Variants in KCNH7 observed in about 807,000 individuals in gnomAD.
KCNH7 encodes the protein potassium voltage-gated channel subfamily H member 7, also known as voltage-gated inwardly rectifying potassium channel KCNH7.
A neutral mutation model predicts 120.8 loss-of-function variants in KCNH7; 49 were observed. The observed-to-expected ratio is 0.41, with a 90% confidence interval of 0.32 to 0.51. KCNH7 has a LOEUF of 0.51. Ranked by LOEUF, KCNH7 falls within the 20% of genes least tolerant of loss-of-function variation. The probability of loss-of-function intolerance (pLI) is 0.38; values close to 1 mark genes in which losing one functional copy is unlikely to be tolerated. For synonymous variants in KCNH7, 547 were observed against 516.1 expected, an observed-to-expected ratio of 1.06 and a Z score of -0.81; for missense variants, 1,097 against 1,446.6, an observed-to-expected ratio of 0.76 and a Z score of 3.92.
intron 4 of KCNH7, among the ~76,000 whole-genome samples, chr2:162,514,321 T>C (rs1691210490): frequency 6.6e-6 from 1 of 151,828 alleles, no homozygotes. Flanking sequence ...TCAGAATGAA[T>C]GTGTCTGTCA....
intron 2 of KCNH7, among the ~76,000 whole-genome samples, chr2:162,806,639 A>T (rs1383200464): frequency 6.6e-6 from 1 of 152,180 alleles, no homozygotes; most frequent in African/African-American, 2.4e-5. Context: ...TAAATTCAGC[A>T]ACAGAAGGAA....
intron 2 of KCNH7, among the ~76,000 whole-genome samples, chr2:162,596,699 CA>C (rs1694392163): frequency 6.6e-6 from 1 of 151,922 alleles, no homozygotes; most frequent in Admixed American, 6.6e-5. Context: ...CAAAAATAGA[CA>C]AATGAGATTA....
intron 2 of KCNH7, among the ~76,000 whole-genome samples, chr2:162,682,704 A>G (rs998638280): frequency 1.3e-5 from 2 of 151,862 alleles, no homozygotes; most frequent in African/African-American, 4.8e-5. Context: ...TAAATTTTAA[A>G]TACACAGTAA....
intron 2 of KCNH7, among the ~76,000 whole-genome samples, chr2:162,599,598 C>T (rs547074122): frequency 6.6e-6 from 1 of 151,300 alleles, no homozygotes; most frequent in South Asian, 2.1e-4. Context: ...TTTATATTTC[C>T]TACTCTTGTA....
In KCNH7 at chr2:162,495,761, C is replaced by T. The variant is rs148530524; in HGVS notation, c.1128+8682G>A. ...ACAAACCAGTGATACCCAGCTGCAGCTCAGAAGAAACAAAAGGGATGGATA... is the reference window on the plus strand; with the variant it reads ...ACAAACCAGTGATACCCAGCTGCAGTTCAGAAGAAACAAAAGGGATGGATA... On this transcript the variant is annotated intron_variant, in intron 6 of 15. Coordinates refer to ENST00000332142, the MANE Select transcript of KCNH7 (RefSeq NM_033272.4). 8.5e-5 allele frequency among the ~76,000 whole-genome samples: 13 copies of T among 152,148 alleles called. 1 individual carries two copies. Among genetic ancestry groups the T allele is most frequent in the Admixed American group, 8.5e-4 (13 of 15,272 alleles).
intron 2 of KCNH7, among the ~76,000 whole-genome samples, chr2:162,803,524 A>G (rs1489084261): frequency 1.3e-5 from 2 of 151,774 alleles, no homozygotes; most frequent in Admixed American, 1.3e-4. Context: ...CAGCCCCTAA[A>G]TGATTCATTT....
chr2:162,628,404 T>C (rs962220393), intron 2 of KCNH7, among the ~76,000 whole-genome samples: 13 of 152,136 alleles, frequency 8.5e-5, no homozygotes, highest in African/African-American at 3.1e-4. Context: ...TCTCTCTATG[T>C]GGGGTGAGGA....
At chr2:162,461,181 A>G (rs1689134223) in intron 6 of KCNH7, among the ~76,000 whole-genome samples, 1 of 152,220 alleles carries the variant, frequency 6.6e-6, no homozygotes, top group Non-Finnish European at 1.5e-5. Flanking sequence ...AAATAAAAAC[A>G]AAGACAATGT....
chr2:162,748,214 T>C (rs1357876179), intron 2 of KCNH7, among the ~76,000 whole-genome samples: 2 of 152,200 alleles, frequency 1.3e-5, no homozygotes, highest in Non-Finnish European at 2.9e-5. Flanking sequence ...GAACACAATA[T>C]AGAACTCTTT....
At chr2:162,684,568 A>G (rs1410703640) in intron 2 of KCNH7, among the ~76,000 whole-genome samples, 1 of 152,190 alleles carries the variant, frequency 6.6e-6, no homozygotes, top group African/African-American at 2.4e-5. Context: ...TCAAAAGAAG[A>G]CATTTATGTG....
intron 2 of KCNH7, among the ~76,000 whole-genome samples, chr2:162,807,648 T>C (rs16847332): frequency 0.47 from 70,973 of 151,924 alleles, 18,778 homozygotes; most frequent in South Asian, 0.67. Flanking sequence ...TGAAACTACA[T>C]ACTATTTATA....
In KCNH7 at chr2:162,480,494, C is replaced by T. The variant is rs79377142; in HGVS notation, c.1128+23949G>A. Among the ~76,000 whole-genome samples the T allele has an allele frequency of 5.5e-3, 842 of 152,278 alleles. 7 individuals are homozygous for T. The highest frequency in any genetic ancestry group is 0.017 in the African/African-American group (714 of 41,570). ...TTCTCCTGCCATCCCTCACCTTCCT[C>T]CTGCATGTTTCCATCAATAAAATTC... On this transcript the variant is annotated intron_variant, in intron 6 of 15. Coordinates refer to ENST00000332142, the MANE Select transcript of KCNH7 (RefSeq NM_033272.4).
chr2:162,423,768 C>T (rs1687775584), intron 8 of KCNH7, among the ~76,000 whole-genome samples: 1 of 152,060 alleles, frequency 6.6e-6, no homozygotes, highest in African/African-American at 2.4e-5. Context: ...AAAGTGAAAA[C>T]TCAGATTGTT....
chr2:162,768,116 C>A (rs1353187562), intron 2 of KCNH7, among the ~76,000 whole-genome samples: 1 of 152,078 alleles, frequency 6.6e-6, no homozygotes, highest in Non-Finnish European at 1.5e-5. Flanking sequence ...GTATCTACAA[C>A]AAAATATGTC....
intron 2 of KCNH7, among the ~76,000 whole-genome samples, chr2:162,726,330 G>T (rs537662611): frequency 1.4e-4 from 22 of 152,140 alleles, no homozygotes; most frequent in African/African-American, 4.8e-4. Context: ...GAATGAGTTG[G>T]TTTCCTTGAA....
At chr2:162,450,066 A>G (rs2105568626) in intron 6 of KCNH7, among the ~76,000 whole-genome samples, 1 of 152,196 alleles carries the variant, frequency 6.6e-6, no homozygotes, top group South Asian at 2.1e-4. Context: ...TCAGAGTAGT[A>G]TTACCAACTT....
chr2:162,512,709 T>G lies in KCNH7; in HGVS notation c.893-35A>C, dbSNP rs374848355. 3.1e-4 allele frequency: 490 copies of G among 1,569,468 alleles called. 1 individual carries two copies. The highest frequency in any genetic ancestry group is 4.2e-4 in the Admixed American group (25 of 58,914). On this transcript the variant is annotated intron_variant, in intron 4 of 15. Coordinates refer to ENST00000332142, the MANE Select transcript of KCNH7 (RefSeq NM_033272.4). ...GCACATAAGGATAAAAAAAGAGAAATATAAAAAGAAGACTAAAATTATATT... is the reference window on the plus strand; with the variant it reads ...GCACATAAGGATAAAAAAAGAGAAAGATAAAAAGAAGACTAAAATTATATT...
chr2:162,374,176 T>C (rs1477731655), intron 14 of KCNH7, among the ~76,000 whole-genome samples: 3 of 152,218 alleles, frequency 2.0e-5, no homozygotes, highest in Non-Finnish European at 4.4e-5. Context: ...TATTATTCAT[T>C]GTATTCTTTC....
chr2:162,555,035 G>T (rs1692809998), intron 2 of KCNH7, among the ~76,000 whole-genome samples: 1 of 152,208 alleles, frequency 6.6e-6, no homozygotes, highest in Non-Finnish European at 1.5e-5. Flanking sequence ...CATGTAAAAA[G>T]ATATGTTGTG....
Sources: allele counts gnomAD v4.1 joint callset (sites outside exome capture counted in the v4.1 genomes callset), GRCh38; gene constraint gnomAD v4.1.1; transcripts MANE v1.5; gene names NCBI Gene and HGNC (gene_info 2026-07-23, HGNC 2026-07-21).